HYDIN: variants seen among roughly 807,000 people sequenced by gnomAD.
The protein encoded by HYDIN is HYDIN axonemal central pair apparatus protein, also known as axonemal central pair apparatus protein HYDIN.
In HYDIN, 132 loss-of-function variants were observed where a neutral mutation model predicts 403.9. The observed-to-expected ratio is 0.33, with a 90% CI of 0.28 to 0.38. The LOEUF is 0.38. Ranked by LOEUF, HYDIN falls within the 10% of genes least tolerant of loss-of-function variation. The pLI is 1.00. For synonymous variants in HYDIN, 1,202 were observed against 1,891.7 expected, an observed-to-expected ratio of 0.64 and a Z score of 9.46; for missense variants, 2,827 against 5,009.5, an observed-to-expected ratio of 0.56 and a Z score of 13.15.
intron 62 of HYDIN, among the ~76,000 whole-genome samples, chr16:70,877,836 G>A (rs2040541086): frequency 6.6e-6 from 1 of 152,070 alleles, no homozygotes; most frequent in Non-Finnish European, 1.5e-5. Context: ...AACGGAAACC[G>A]GAATACAGTG....
At chr16:70,888,126 T>A (rs1293398310) in intron 58 of HYDIN, among the ~76,000 whole-genome samples, 4 of 152,278 alleles carry the variant, frequency 2.6e-5, no homozygotes, top group African/African-American at 9.6e-5. Flanking sequence ...CATACTATTT[T>A]AAAAATTTTC....
chr16:71,229,821 G>A (rs1035465665), intron 1 of HYDIN, among the ~76,000 whole-genome samples: 3 of 152,164 alleles, frequency 2.0e-5, no homozygotes, highest in Non-Finnish European at 4.4e-5. Context: ...ATTGCAGTAA[G>A]TACATGATAT....
At chr16:70,922,078 C>T (rs2077011749) in intron 45 of HYDIN, among the ~76,000 whole-genome samples, 1 of 152,234 alleles carries the variant, frequency 6.6e-6, no homozygotes, top group Non-Finnish European at 1.5e-5. Context: ...GTCTAGCTCT[C>T]CTCCTCTCTA....
At chr16:71,067,240 A>G (rs2082302237) in intron 15 of HYDIN, 50 bp downstream of exon 15, 3 of 1,095,274 alleles carry the variant, frequency 2.7e-6, no homozygotes, top group Non-Finnish European at 4.1e-6. Flanking sequence ...GCAGCCCATT[A>G]CTGGAGGCTC....
At chr16:71,228,284 TG>T (rs1392658496) in intron 1 of HYDIN, among the ~76,000 whole-genome samples, 1 of 151,980 alleles carries the variant, frequency 6.6e-6, no homozygotes, top group Non-Finnish European at 1.5e-5. Flanking sequence ...CCAAAAGCAA[TG>T]GCAACAAAAG....
intron 19 of HYDIN, among the ~76,000 whole-genome samples, chr16:71,030,407 A>G (rs2080864297): frequency 6.6e-6 from 1 of 150,602 alleles, no homozygotes. Flanking sequence ...GTGTATATGT[A>G]TATGTGTGTG....
chr16:70,871,644 G>A (rs2040108065), intron 65 of HYDIN, among the ~76,000 whole-genome samples: 1 of 151,256 alleles, frequency 6.6e-6, no homozygotes, highest in Non-Finnish European at 1.5e-5. Context: ...AATCTCACTT[G>A]TCCACAGAAC....
rs1597162681 is a variant in HYDIN at position 70,866,059 on chromosome 16, C to T, written c.11471+110G>A. 1.9e-4 allele frequency: 114 copies of T among 588,760 alleles called. 2 individuals carry two copies. The South Asian group carries it at 2.2e-3, about 11-fold the overall frequency. 36.5% of individuals were successfully genotyped at this position (588,760 alleles called of 1,614,324 possible). ...CACTCTGGTGCATGCCACACAGATA[C>T]GATGCCTAGTAGATGCTGCTGTAGA... On this transcript the variant is annotated intron_variant, in intron 67 of 85. Coordinates refer to ENST00000393567, the MANE Select transcript of HYDIN (RefSeq NM_001270974.2).
intron 6 of HYDIN, among the ~76,000 whole-genome samples, chr16:71,157,848 C>A: frequency 7.0e-6 from 1 of 143,258 alleles, no homozygotes; most frequent in East Asian, 2.0e-4. Flanking sequence ...CACCCCTGGA[C>A]TGGAAGCAAA....
chr16:70,927,986 C>G (rs2077205477), intron 45 of HYDIN, among the ~76,000 whole-genome samples: 1 of 151,136 alleles, frequency 6.6e-6, no homozygotes, highest in Admixed American at 6.6e-5. Flanking sequence ...AACAAACACC[C>G]AGGAATGTTC....
chr16:70,978,865 C>A (rs372399676), intron 30 of HYDIN, 49 bp downstream of exon 30: 1 of 1,505,014 alleles, frequency 6.6e-7, no homozygotes, highest in Non-Finnish European at 9.1e-7. Context: ...GCACTCTGCA[C>A]GCACCACCCT....
Position 70,908,771 on chromosome 16 carries a change from G to T in HYDIN, c.8095C>A (p.Arg2699Ser). The T allele has an allele frequency of 6.2e-7, 1 of 1,614,196 alleles. No homozygotes were observed. Among genetic ancestry groups the T allele is most frequent in the Non-Finnish European group, 8.5e-7 (1 of 1,180,044 alleles). ...DQVFEIQKDK[R>S]HMALNRKVLS... ...ACCTTCCTGTTTAAGGCCATGTGAC[G>T]CTTGTCTTTCTGAATCTCGAAGACT... The change falls in exon 48 of 86, where the codon CGT becomes AGT. Residue 2699 changes from arginine to serine, a missense_variant. Coordinates refer to ENST00000393567, the MANE Select transcript of HYDIN (RefSeq NM_001270974.2).
intron 1 of HYDIN, among the ~76,000 whole-genome samples, chr16:71,219,193 T>G (rs1003592128): frequency 4.6e-5 from 7 of 152,150 alleles, no homozygotes; most frequent in African/African-American, 1.4e-4. Flanking sequence ...AGGCTCATAA[T>G]AGCAGTTTAA....
At chr16:70,863,987 C>G (rs1385207424) in intron 67 of HYDIN, among the ~76,000 whole-genome samples, 3 of 151,136 alleles carry the variant, frequency 2.0e-5, no homozygotes, top group Non-Finnish European at 3.0e-5. Context: ...ACTTCAAACT[C>G]AAATTCTAAA....
chr16:71,156,458 C>G (rs2085770977), intron 6 of HYDIN, among the ~76,000 whole-genome samples: 1 of 152,030 alleles, frequency 6.6e-6, no homozygotes, highest in South Asian at 2.1e-4. Context: ...TCAGAAAATG[C>G]TCTTACAAAG....
chr16:70,996,716 T>C (rs1016808088), intron 23 of HYDIN, among the ~76,000 whole-genome samples: 9 of 150,832 alleles, frequency 6.0e-5, no homozygotes, highest in Non-Finnish European at 1.2e-4. Flanking sequence ...GAAGTCTTCA[T>C]GGAGGAGGAT....
chr16:70,939,051 T>C (rs1374204443), intron 43 of HYDIN, among the ~76,000 whole-genome samples: 2 of 152,204 alleles, frequency 1.3e-5, no homozygotes, highest in Non-Finnish European at 2.9e-5. Flanking sequence ...TTTAAGGATC[T>C]TGAGGTGGGC....
chr16:71,067,167 C>T (rs1374491705), intron 15 of HYDIN, 123 bp downstream of exon 15: 1 of 603,488 alleles, frequency 1.7e-6, no homozygotes, highest in Non-Finnish European at 3.0e-6. Flanking sequence ...TTCAACTTCC[C>T]TTCCCAGGAA....
At chr16:71,187,747 T>C (rs1032180625) in intron 1 of HYDIN, among the ~76,000 whole-genome samples, 1 of 151,910 alleles carries the variant, frequency 6.6e-6, no homozygotes, top group African/African-American at 2.4e-5. Context: ...GAAAGTAGAT[T>C]TGAAGGAAAA....
Sources: gnomAD v4.1 joint callset for allele counts (sites outside exome capture counted in the v4.1 genomes callset) on GRCh38, gnomAD v4.1.1 for gene constraint, MANE v1.5 for transcripts, NCBI Gene and HGNC (gene_info 2026-07-23, HGNC 2026-07-21) for gene names.